PVALEF: variants seen among roughly 807,000 people sequenced by gnomAD.
PVALEF encodes the protein parvalbumin-like EF-hand-containing protein.
A neutral mutation model predicts 1.2 loss-of-function variants in PVALEF; 2 were observed. The ratio of observed to expected loss-of-function variants is 1.68; its 90% confidence interval spans 0.69 to 5.28. PVALEF has a LOEUF of 5.28. PVALEF is among the 30% of genes most tolerant of loss of function. PVALEF has a pLI of 0.06. For synonymous variants in PVALEF, 16 were observed against 6.5 expected, an observed-to-expected ratio of 2.47 and a Z score of -2.24; for missense variants, 35 against 17.7, an observed-to-expected ratio of 1.97 and a Z score of -1.75.
chr17:81,165,931 G>A (rs1474919010), intron 1 of PVALEF, 184 bp downstream of exon 1: 1 of 1,578,214 alleles, frequency 6.3e-7, no homozygotes. Context: ...GGCCGCCAGG[G>A]ACTCACCGGG....
chr17:81,180,456 G>A (rs781493654), intron 3 of PVALEF, among the ~76,000 whole-genome samples: 5 of 152,132 alleles, frequency 3.3e-5, no homozygotes, highest in African/African-American at 2.4e-5. Flanking sequence ...CCACATGCCC[G>A]CTCACCACCA....
At chr17:81,170,950 G>A (rs1448319685) in intron 2 of PVALEF, among the ~76,000 whole-genome samples, 1 of 152,144 alleles carries the variant, frequency 6.6e-6, no homozygotes, top group Non-Finnish European at 1.5e-5. Context: ...AGGCAGCAGG[G>A]CCCTCAGGCA....
intron 3 of PVALEF, 47 bp downstream of exon 3, chr17:81,179,199 T>C: frequency 3.4e-6 from 1 of 298,162 alleles, no homozygotes; most frequent in South Asian, 2.5e-5. Flanking sequence ...CCGCTGAGGT[T>C]ATCCGAGCTG....
rs532351750 is a variant in PVALEF at position 81,179,653 on chromosome 17, A to G, written c.-105+501A>G. ...TCTGCCCCTGACCCAGAGGGACCCC[A>G]CTGCCTCTATCACCCCTTCCCCCGA... is the stretch of plus-strand genomic sequence containing the variant. On this transcript the variant is annotated intron_variant, in intron 3 of 6. Coordinates refer to ENST00000637878, the MANE Select transcript of PVALEF (RefSeq NM_001354639.2). Among the ~76,000 whole-genome samples, 42 of 152,174 alleles carry G rather than the reference A, an allele frequency of 2.8e-4. No homozygotes were observed. In the East Asian group the frequency reaches 7.8e-3, roughly 28 times the overall value.
chr17:81,177,537 G>GAGTA (rs1215148393), intron 2 of PVALEF, among the ~76,000 whole-genome samples: 1 of 151,538 alleles, frequency 6.6e-6, no homozygotes, highest in Admixed American at 6.6e-5. Flanking sequence ...TAGGGTGATA[G>GAGTA]AGTAAGACTC....
intron 2 of PVALEF, among the ~76,000 whole-genome samples, chr17:81,169,662 T>C (rs1567835217): frequency 6.6e-6 from 1 of 152,170 alleles, no homozygotes; most frequent in East Asian, 1.9e-4. Context: ...CGGCTACTGG[T>C]GGCCCTAGGC....
chr17:81,172,762 TCAAAACAAAA>T (rs568462471), intron 2 of PVALEF, among the ~76,000 whole-genome samples: 2 of 151,674 alleles, frequency 1.3e-5, no homozygotes, highest in East Asian at 3.9e-4. Flanking sequence ...AGACTCTGTC[TCAAAACAAAA>T]CAAAACAAAA....
intron 2 of PVALEF, among the ~76,000 whole-genome samples, chr17:81,167,379 C>A (rs1356800173): frequency 6.6e-6 from 1 of 152,292 alleles, no homozygotes; most frequent in African/African-American, 2.4e-5. Context: ...CTCACTCATT[C>A]ATTCACTCAC....
At chr17:81,178,476 A>T (rs921428849) in intron 2 of PVALEF, among the ~76,000 whole-genome samples, 3 of 152,150 alleles carry the variant, frequency 2.0e-5, no homozygotes, top group Non-Finnish European at 4.4e-5. Flanking sequence ...CCACCAGGGG[A>T]GGGTGGTTTG....
At chr17:81,177,083 A>G (rs2061538140) in intron 2 of PVALEF, among the ~76,000 whole-genome samples, 1 of 151,016 alleles carries the variant, frequency 6.6e-6, no homozygotes, top group Admixed American at 6.6e-5. Context: ...CGCACCACCA[A>G]CGCTGGCTAA....
At position 81,181,992 on chromosome 17, in the gene PVALEF, G is replaced by T. The variant is rs531272026; in HGVS notation, c.269G>T (p.Ser90Ile). Residue 90 changes from serine (S) to isoleucine (I), a missense_variant, in exon 6 of 7, where the codon AGC becomes ATC. Ser to Ile is a moderately radical substitution (Grantham distance 142). Coordinates refer to ENST00000637878, the MANE Select transcript of PVALEF (RefSeq NM_001354639.2). ...TACATCCTGTCCATCATCCCCAGCA[G>T]CGGGCCCACCACCCCGCTGACAGAC... ...IKYILSIIPS[S>I]GPTTPLTDEE... The T allele has an allele frequency of 5.8e-5, 23 of 398,716 alleles. No homozygotes were observed. Among genetic ancestry groups the T allele is most frequent in the African/African-American group, 4.7e-4 (23 of 48,766 alleles). 24.7% of individuals were successfully genotyped at this position (398,716 alleles called of 1,614,324 possible). A position where few individuals can be genotyped will look rare whatever the true frequency, so the allele number is the denominator to read the frequency against.
rs376204437 is a variant in PVALEF, at chr17:81,179,358, G to T, written c.-105+206G>T. ...CAGCACCACTACAAGCCCCAAGGGG[G>T]CCCCCGGATGGAAGACAGCTGCAGG... On this transcript the variant is annotated intron_variant, in intron 3 of 6. Coordinates refer to ENST00000637878, the MANE Select transcript of PVALEF (RefSeq NM_001354639.2). Among the ~76,000 whole-genome samples, 17 of 152,326 alleles carry T rather than the reference G, an allele frequency of 1.1e-4. No homozygotes were observed. The East Asian group carries it at 2.3e-3, about 21-fold the overall frequency.
At chr17:81,178,541 AC>A (rs1223607529) in intron 2 of PVALEF, among the ~76,000 whole-genome samples, 1 of 150,968 alleles carries the variant, frequency 6.6e-6, no homozygotes, top group Admixed American at 6.6e-5. Context: ...GAGCCTCCCC[AC>A]CCCCACCGGC....
chr17:81,173,485 A>G (rs538672379), intron 2 of PVALEF, among the ~76,000 whole-genome samples: 76 of 152,304 alleles, frequency 5.0e-4, no homozygotes, highest in African/African-American at 1.8e-3. Context: ...GCCCCGAGAG[A>G]ACCGACTATG....
intron 2 of PVALEF, among the ~76,000 whole-genome samples, chr17:81,173,022 A>G (rs2061525822): frequency 6.6e-6 from 1 of 152,186 alleles, no homozygotes; most frequent in South Asian, 2.1e-4. Context: ...ATCAGGAAAC[A>G]AATGCACAGT....
At chr17:81,179,663 T>C (rs979646768) in intron 3 of PVALEF, among the ~76,000 whole-genome samples, 7 of 152,238 alleles carry the variant, frequency 4.6e-5, no homozygotes, top group Non-Finnish European at 8.8e-5. Context: ...ACTGCCTCTA[T>C]CACCCCTTCC....
intron 2 of PVALEF, among the ~76,000 whole-genome samples, chr17:81,167,359 C>T (rs2061501209): frequency 6.6e-6 from 1 of 152,248 alleles, no homozygotes. Flanking sequence ...TTCACTCACT[C>T]ATTCATTCAC....
At chr17:81,170,509 A>G (rs1567835774) in intron 2 of PVALEF, among the ~76,000 whole-genome samples, 1 of 152,022 alleles carries the variant, frequency 6.6e-6, no homozygotes, top group African/African-American at 2.4e-5. Context: ...TATCAGGGTC[A>G]GGACTTGAAC....
intron 2 of PVALEF, among the ~76,000 whole-genome samples, chr17:81,173,697 GA>G (rs1228336864): frequency 6.6e-6 from 1 of 152,162 alleles, no homozygotes; most frequent in East Asian, 1.9e-4. Context: ...AAAGGCCCAG[GA>G]CCTGATAGTT....
Sources: allele counts gnomAD v4.1 joint callset (sites outside exome capture counted in the v4.1 genomes callset), GRCh38; gene constraint gnomAD v4.1.1; transcripts MANE v1.5; gene names NCBI Gene and HGNC (gene_info 2026-07-23, HGNC 2026-07-21).